The following AK2 variants were observed in gnomAD, a reference collection of about 807,000 sequenced individuals.
The protein encoded by AK2 is adenylate kinase 2.
A neutral mutation model predicts 24.6 loss-of-function variants in AK2; 15 were observed. The observed-to-expected ratio is 0.61, with a 90% CI of 0.41 to 0.94. The LOEUF is 0.94. Among genes scored for constraint, AK2 ranks in the 40% least tolerant of loss-of-function variants. The pLI is 0.00. For missense variants in AK2, 257 were observed against 304.1 expected, an observed-to-expected ratio of 0.85 and a Z score of 1.15; for synonymous variants, 102 against 114.0, an observed-to-expected ratio of 0.90 and a Z score of 0.67.
At chr1:33,030,208 C>T (rs1236848044) in intron 1 of AK2, among the ~76,000 whole-genome samples, 2 of 152,214 alleles carry the variant, frequency 1.3e-5, no homozygotes, top group Admixed American at 6.5e-5. Flanking sequence ...ACAGGAATGC[C>T]CTCTCTGCTC....
In AK2 at chr1:33,008,392, G is replaced by A; in HGVS notation, c.*4789C>T. The stretch of plus-strand genomic sequence containing the variant: ...TTCTGAGGAGGCTGCTCTCCATCCT[G>A]CTGTGTTCTGTCAGTGACACTTTGT... On this transcript the variant is annotated 3_prime_UTR_variant, in exon 6 of 6. Transcript: ENST00000672715. The A allele has an allele frequency of 2.2e-6, 1 of 454,106 alleles. No homozygotes were observed. The highest frequency in any genetic ancestry group is 4.4e-6 in the Non-Finnish European group (1 of 226,786). The allele number at this position is 454,106 out of a possible 1,614,324, so 28.1% of individuals were successfully genotyped here.
At chr1:33,025,826 A>G (rs972304156) in intron 1 of AK2, among the ~76,000 whole-genome samples, 1 of 152,248 alleles carries the variant, frequency 6.6e-6, no homozygotes, top group African/African-American at 2.4e-5. Context: ...GTAAGCGCTC[A>G]GTGGGCACTG....
At chr1:33,024,364 G>T in intron 2 of AK2, 78 bp downstream of exon 2, 1 of 1,564,274 alleles carries the variant, frequency 6.4e-7, no homozygotes, top group East Asian at 2.2e-5. Context: ...AGCCACCTGT[G>T]GCTGGTGGCT....
Position 33,035,987 on chromosome 1 carries a change from T to G in AK2, c.93+749A>C, listed in dbSNP as rs560481412. 7.4e-4 allele frequency among the ~76,000 whole-genome samples: 112 copies of G among 152,092 alleles called. 1 individual carries two copies. In the South Asian group the frequency reaches 0.022, roughly 29 times the overall value. On this transcript the variant is annotated intron_variant, in intron 1 of 5. Transcript: ENST00000672715. ...TAATAAAAACAAAATAAAAAAAAAT[T>G]CAAGTTCCTTTTCATCTAAAATCAT...
At position 33,010,749 on chromosome 1, in the gene AK2, C is replaced by T. The variant is rs113702378; in HGVS notation, c.*2432G>A. ...CACCATCCTCACCCTGACCACCCTT[C>T]CCCTCTGCCCAGCACCTAAGAGCAG... On this transcript the variant is annotated 3_prime_UTR_variant, in exon 6 of 6. Transcript: ENST00000672715. The T allele has an allele frequency of 1.1e-3, 1,702 of 1,613,976 alleles. 1 individual carries two copies. The East Asian group carries it at 0.026, about 25-fold the overall frequency.
chr1:33,020,799 C>A (rs1262003304), intron 4 of AK2, among the ~76,000 whole-genome samples: 1 of 147,902 alleles, frequency 6.8e-6, no homozygotes, highest in Non-Finnish European at 1.5e-5. Context: ...GAGCCAAGAT[C>A]GCGCCACTGC....
intron 4 of AK2, among the ~76,000 whole-genome samples, chr1:33,018,440 C>A (rs561172101): frequency 2.3e-4 from 35 of 150,412 alleles, no homozygotes; most frequent in African/African-American, 7.8e-4. Flanking sequence ...ATGACAACAA[C>A]AAAAAAAAAC....
In AK2 at chr1:33,012,352, A is replaced by G. The variant is rs1638875253; in HGVS notation, c.*829T>C. On this transcript the variant is annotated 3_prime_UTR_variant, in exon 6 of 6. Coordinates refer to ENST00000672715, the MANE Select transcript of AK2 (RefSeq NM_001625.4). ...CCTTTTTCCTTCCACCTAGGGGGAA[A>G]AAATTAATGATCCCTGTTCACACAC... is the stretch of plus-strand genomic sequence containing the variant. 1 of 1,528,798 alleles carries G rather than the reference A, an allele frequency of 6.5e-7. No homozygotes were observed. The highest frequency in any genetic ancestry group is 8.7e-7 in the Non-Finnish European group (1 of 1,144,246). 94.7% of individuals were successfully genotyped at this position (1,528,798 alleles called of 1,614,324 possible). A position where few individuals can be genotyped will look rare whatever the true frequency, so the allele number is the denominator to read the frequency against.
intron 1 of AK2, chr1:33,032,269 G>A (rs573549085): frequency 6.6e-6 from 1 of 152,608 alleles, no homozygotes; most frequent in South Asian, 2.1e-4. Context: ...AAGACACACA[G>A]ACCATCCAAA....
chr1:33,017,551 T>C (rs1639268911), intron 4 of AK2, among the ~76,000 whole-genome samples: 1 of 152,148 alleles, frequency 6.6e-6, no homozygotes, highest in Non-Finnish European at 1.5e-5. Context: ...CACACACTGC[T>C]CTTTTGCCAT....
chr1:33,036,005 A>G (rs1257695349), intron 1 of AK2, among the ~76,000 whole-genome samples: 2 of 152,198 alleles, frequency 1.3e-5, no homozygotes, highest in Non-Finnish European at 2.9e-5. Flanking sequence ...CTTTTCATCT[A>G]AAATCATTTG....
At chr1:33,015,884 C>CA (rs892559160) in intron 4 of AK2, among the ~76,000 whole-genome samples, 3 of 151,886 alleles carry the variant, frequency 2.0e-5, no homozygotes, top group African/African-American at 7.3e-5. Context: ...AAGACTGTCT[C>CA]AAAAAAATAA....
intron 4 of AK2, among the ~76,000 whole-genome samples, chr1:33,016,840 G>A (rs1007551622): frequency 6.6e-6 from 1 of 151,488 alleles, no homozygotes; most frequent in Non-Finnish European, 1.5e-5. Context: ...TGAGTAGCTG[G>A]GATTACAGAT....
At chr1:33,020,230 A>ACACAC in intron 4 of AK2, 2 of 690,744 alleles carry the variant, frequency 2.9e-6, no homozygotes, top group Non-Finnish European at 4.3e-6. Context: ...CACACACACA[A>ACACAC]AGTGGCTGTA....
intron 2 of AK2, chr1:33,024,231 G>A (rs1368765481): frequency 4.5e-6 from 3 of 664,052 alleles, no homozygotes; most frequent in Non-Finnish European, 7.8e-6. Flanking sequence ...TCTAGCACAT[G>A]GTTGTTCAAC....
At position 33,027,491 on chromosome 1, in the gene AK2, C is replaced by G. The variant is rs553911878; in HGVS notation, c.94-2924G>C. On this transcript the variant is annotated intron_variant, in intron 1 of 5. Transcript: ENST00000672715. Reference sequence around the variant, plus strand: ...GTATGGTGGCTCACGCCTGTAATCCCAGAACTTTGGGAGGCTAAGGCGGGT... The same window carrying G: ...GTATGGTGGCTCACGCCTGTAATCCGAGAACTTTGGGAGGCTAAGGCGGGT... Among the ~76,000 whole-genome samples, 112 of 152,256 alleles carry G rather than the reference C, an allele frequency of 7.4e-4. 1 individual carries two copies. The highest frequency in any genetic ancestry group is 2.5e-3 in the African/African-American group (105 of 41,540).
In AK2 at chr1:33,011,455, A is replaced by C. The variant is rs1217245660; in HGVS notation, c.*1726T>G. 6.4e-5 allele frequency: 83 copies of C among 1,287,406 alleles called. No individual in the cohort carries two copies. The highest frequency in any genetic ancestry group is 8.1e-5 in the Non-Finnish European group (80 of 988,776). 79.7% of individuals were successfully genotyped at this position (1,287,406 alleles called of 1,614,324 possible). ...GAGGCAGCAGACACTCACTTGGACC[A>C]GGCAAAGAGGGAAGCAAGGTGGCCA... On this transcript the variant is annotated 3_prime_UTR_variant, in exon 6 of 6. Coordinates refer to ENST00000672715, the MANE Select transcript of AK2 (RefSeq NM_001625.4).
chr1:33,017,166 T>C lies in AK2; in HGVS notation c.426-2572A>G, dbSNP rs1287709966. On this transcript the variant is annotated intron_variant, in intron 4 of 5. Coordinates refer to ENST00000672715, the MANE Select transcript of AK2 (RefSeq NM_001625.4). Reference sequence around the variant, plus strand: ...TTAAAATTTGTATTATTTTTTCTTTTCTTCAGCTTTCCTGGGTTATATTTA... The same window carrying C: ...TTAAAATTTGTATTATTTTTTCTTTCCTTCAGCTTTCCTGGGTTATATTTA... Among the ~76,000 whole-genome samples the C allele has an allele frequency of 2.6e-5, 4 of 152,238 alleles. 1 individual carries two copies. The highest frequency in any genetic ancestry group is 2.9e-5 in the Non-Finnish European group (2 of 68,048).
intron 2 of AK2, 139 bp downstream of exon 2, chr1:33,024,303 G>C (rs1327909887): frequency 8.6e-7 from 1 of 1,159,930 alleles, no homozygotes; most frequent in African/African-American, 1.5e-5. Flanking sequence ...CTTGAAATAT[G>C]GCTAGTGCAA....
Sources: gnomAD v4.1 joint callset for allele counts (sites outside exome capture counted in the v4.1 genomes callset) on GRCh38, gnomAD v4.1.1 for gene constraint, MANE v1.5 for transcripts, NCBI Gene and HGNC (gene_info 2026-07-23, HGNC 2026-07-21) for gene names.